Variants in DGKK observed in about 807,000 individuals in gnomAD.
DGKK encodes 142 kDa diacylglycerol kinase.
Under a neutral mutation model 92.2 loss-of-function variants are expected in DGKK, and 35 were observed. The observed-to-expected ratio is 0.38, with a 90% CI of 0.29 to 0.50. The LOEUF is 0.50. Ranked by LOEUF, DGKK falls within the 20% of genes least tolerant of loss-of-function variation. The pLI is 0.92. For missense variants in DGKK, 910 were observed against 992.2 expected, an observed-to-expected ratio of 0.92 and a Z score of 1.11; for synonymous variants, 368 against 360.6, an observed-to-expected ratio of 1.02 and a Z score of -0.23.
chrX:50,451,254 C>A (rs181809860), intron 1 of DGKK, among the ~76,000 whole-genome samples: 1 of 111,347 alleles, frequency 9.0e-6, no homozygotes, highest in Non-Finnish European at 1.9e-5. Flanking sequence ...AGGAGAGACT[C>A]CAAGTGAAAA....
intron 1 of DGKK, among the ~76,000 whole-genome samples, chrX:50,447,113 A>C (rs1557231956): frequency 2.0e-5 from 2 of 101,733 alleles, no homozygotes; most frequent in African/African-American, 7.1e-5. Flanking sequence ...TAGCTCATAA[A>C]ATTACAATTC....
intron 8 of DGKK, among the ~76,000 whole-genome samples, chrX:50,393,827 A>G (rs1311142880): frequency 2.7e-5 from 3 of 111,856 alleles, no homozygotes; most frequent in African/African-American, 9.8e-5. Flanking sequence ...AGGGGAAGGA[A>G]AGGCTGTCAT....
chrX:50,465,964 T>C lies in DGKK; in HGVS notation c.645+4070A>G, dbSNP rs1027363189. On this transcript the variant is annotated intron_variant, in intron 1 of 27. Transcript: ENST00000611977. ...AGGAACTATATAATCCTTATTAGAA[T>C]ACCCCTGAATGGTTTCCTGGTTTCT... 2.8e-5 allele frequency among the ~76,000 whole-genome samples: 3 copies of C among 107,507 alleles called. No individual in the cohort carries two copies. In the East Asian group the frequency reaches 8.8e-4, roughly 32 times the overall value. 93.4% of individuals were successfully genotyped at this position (107,507 alleles called of 115,157 possible).
chrX:50,468,854 C>T (rs1247463126), intron 1 of DGKK, among the ~76,000 whole-genome samples: 2 of 90,403 alleles, frequency 2.2e-5, no homozygotes, highest in Non-Finnish European at 4.6e-5. Flanking sequence ...TTGTGTTATT[C>T]GTTTGTGTGT....
intron 25 of DGKK, 71 bp from the exon 26 acceptor site, chrX:50,371,905 C>T: frequency 1.5e-6 from 1 of 652,097 alleles, no homozygotes; most frequent in Non-Finnish European, 2.4e-6. Flanking sequence ...CTCTCCCCCA[C>T]TCCCAGTCCC....
Position 50,378,602 on chromosome X carries a change from G to A in DGKK, c.2952C>T (p.Asn984=). 1 of 1,208,792 alleles carries A rather than the reference G, an allele frequency of 8.3e-7. No individual in the cohort carries two copies. The highest frequency in any genetic ancestry group is 1.1e-6 in the Non-Finnish European group (1 of 894,058). ...CCTGGGCAATGCGATGATGATGCAG[G>A]TTGATGATACGGGACATTGCCATCT... ...SVQMAMSRII[N]LHHHRIAQCH... The change falls in exon 21 of 28, where the codon AAC becomes AAT. Residue 984 remains asparagine, a synonymous_variant. Transcript: ENST00000611977.
At chrX:50,460,779 C>T (rs782706022) in intron 1 of DGKK, among the ~76,000 whole-genome samples, 5 of 111,480 alleles carry the variant, frequency 4.5e-5, no homozygotes, top group Non-Finnish European at 9.4e-5. Flanking sequence ...ATTGAATATT[C>T]TATTTCCTTA....
intron 18 of DGKK, among the ~76,000 whole-genome samples, chrX:50,381,674 T>G (rs1467954499): frequency 9.0e-6 from 1 of 111,556 alleles, no homozygotes; most frequent in Non-Finnish European, 1.9e-5. Flanking sequence ...AGCAAATTTT[T>G]AAGATCTCAG....
chrX:50,382,408 G>A (rs1924434597), intron 18 of DGKK, 88 bp downstream of exon 18: 3 of 653,085 alleles, frequency 4.6e-6, no homozygotes, highest in Admixed American at 7.7e-5. Context: ...TCTTTCTGTT[G>A]CTTGTCTGAG....
chrX:50,444,988 T>C (rs956278530), intron 1 of DGKK, among the ~76,000 whole-genome samples: 2 of 111,313 alleles, frequency 1.8e-5, no homozygotes, highest in Admixed American at 1.9e-4. Context: ...CCATTCTGAC[T>C]GATGTGAGAT....
intron 1 of DGKK, among the ~76,000 whole-genome samples, chrX:50,431,739 G>T (rs1459187233): frequency 1.8e-5 from 2 of 111,364 alleles, no homozygotes; most frequent in African/African-American, 6.5e-5. Flanking sequence ...TGGTTAAAAT[G>T]CAACTCCGGG....
chrX:50,370,339 T>A (rs1228812374), intron 27 of DGKK, 87 bp downstream of exon 27: 2 of 1,078,038 alleles, frequency 1.9e-6, no homozygotes, highest in Admixed American at 6.3e-5. Context: ...CCCACAAACA[T>A]TTCTAATGGG....
rs1191206571 is a variant in DGKK at position 50,414,011 on chromosome X, G to A, written c.942+6392C>T. Among the ~76,000 whole-genome samples, 7 of 112,227 alleles carry A rather than the reference G, an allele frequency of 6.2e-5. 1 individual carries two copies. The highest frequency in any genetic ancestry group is 9.5e-5 in the Admixed American group (1 of 10,569). On this transcript the variant is annotated intron_variant, in intron 4 of 27. Coordinates refer to ENST00000611977, the MANE Select transcript of DGKK (RefSeq NM_001013742.4). The stretch of plus-strand genomic sequence containing the variant: ...ATAAAATGTGGTATATATACACAAT[G>A]GAATGCTATTCAGCATTAAAGAAGC...
chrX:50,439,710 A>G (rs1021078923), intron 1 of DGKK, among the ~76,000 whole-genome samples: 1 of 111,409 alleles, frequency 9.0e-6, no homozygotes, highest in African/African-American at 3.3e-5. Context: ...GGATTAGTCC[A>G]TGCAAGCACA....
intron 26 of DGKK, 38 bp downstream of exon 26, chrX:50,371,686 C>A (rs781971555): frequency 9.8e-7 from 1 of 1,021,245 alleles, no homozygotes; most frequent in African/African-American, 1.8e-5. Flanking sequence ...GGAAGAATCC[C>A]TCTTTCCCTT....
intron 8 of DGKK, among the ~76,000 whole-genome samples, chrX:50,399,968 T>C (rs1924954541): frequency 8.9e-6 from 1 of 111,974 alleles, no homozygotes; most frequent in Non-Finnish European, 1.9e-5. Flanking sequence ...GCTAGGAGAC[T>C]AGATATTTAG....
Position 50,379,676 on chromosome X carries a change from G to A in DGKK, c.2813C>T (p.Thr938Ile), listed in dbSNP as rs782813474. The change falls in exon 20 of 28, where the codon ACC becomes ATC. Residue 938 changes from threonine to isoleucine, a missense_variant. By Grantham distance (89) the Thr-to-Ile change is moderately conservative (BLOSUM62 -1). Coordinates refer to ENST00000611977, the MANE Select transcript of DGKK (RefSeq NM_001013742.4). ...NLQGIVVLNITSYAGGINFWG... is the reference protein window; with the variant it reads ...NLQGIVVLNIISYAGGINFWG... ...GAAGTTGATACCTCCAGCATAGCTG[G>A]TAATGTTGAGCACTACAATGCCTTG... is the stretch of plus-strand genomic sequence containing the variant. 1 of 1,211,418 alleles carries A rather than the reference G, an allele frequency of 8.3e-7. No homozygotes were observed. Among genetic ancestry groups the A allele is most frequent in the South Asian group, 1.8e-5 (1 of 56,980 alleles).
At chrX:50,402,999 C>G in intron 7 of DGKK, 62 bp downstream of exon 7, 16 of 1,184,499 alleles carry the variant, frequency 1.4e-5, no homozygotes, top group Non-Finnish European at 1.8e-5. Context: ...CATGGTCAAG[C>G]TCTAAGCCAC....
chrX:50,448,612 G>A (rs1557232232), intron 1 of DGKK, among the ~76,000 whole-genome samples: 1 of 111,099 alleles, frequency 9.0e-6, no homozygotes, highest in Admixed American at 9.6e-5. Context: ...GGAGTGGTGA[G>A]CTTCAAAATA....
Sources: allele counts gnomAD v4.1 joint callset (sites outside exome capture counted in the v4.1 genomes callset), GRCh38; gene constraint gnomAD v4.1.1; transcripts MANE v1.5; gene names NCBI Gene and HGNC (gene_info 2026-07-23, HGNC 2026-07-21).